Variants in DEPDC5 observed in about 807,000 individuals in gnomAD.
The protein encoded by DEPDC5 is GATOR1 complex protein DEPDC5.
DEPDC5 carries 73 observed loss-of-function variants against 217.3 expected under a neutral mutation model. The observed-to-expected ratio is 0.34, with a 90% CI of 0.28 to 0.41. The LOEUF is 0.41. Ranked by LOEUF, DEPDC5 falls within the 10% of genes least tolerant of loss-of-function variation. The pLI is 1.00. For synonymous variants in DEPDC5, 733 were observed against 756.7 expected, an observed-to-expected ratio of 0.97 and a Z score of 0.51; for missense variants, 1,675 against 2,070.1, an observed-to-expected ratio of 0.81 and a Z score of 3.70.
chr22:31,771,575 C>T (rs2148218732), intron 7 of DEPDC5, among the ~76,000 whole-genome samples: 1 of 152,040 alleles, frequency 6.6e-6, no homozygotes, highest in East Asian at 1.9e-4. Context: ...CAAAAATCAG[C>T]TGGGTGTGGT....
chr22:31,813,583 G>A (rs2088696460), intron 20 of DEPDC5, among the ~76,000 whole-genome samples: 1 of 152,070 alleles, frequency 6.6e-6, no homozygotes, highest in South Asian at 2.1e-4. Flanking sequence ...TTTTCGTTCT[G>A]AGCTTTTGCT....
chr22:31,856,155 GCACA>G (rs136863), intron 31 of DEPDC5, among the ~76,000 whole-genome samples: 120 of 140,668 alleles, frequency 8.5e-4, no homozygotes, highest in East Asian at 3.8e-3. Flanking sequence ...GGGCCAACGC[GCACA>G]CACACACACA....
intron 37 of DEPDC5, 26 bp downstream of exon 37, chr22:31,876,291 C>A: frequency 6.3e-7 from 1 of 1,588,958 alleles, no homozygotes; most frequent in Non-Finnish European, 8.6e-7. Context: ...AATGCGGTTG[C>A]CCACAGGGGC....
At chr22:31,876,296 A>G in intron 37 of DEPDC5, 31 bp downstream of exon 37, 2 of 1,574,360 alleles carry the variant, frequency 1.3e-6, no homozygotes, top group East Asian at 2.2e-5. Context: ...GGTTGCCCAC[A>G]GGGGCAAGTG....
chr22:31,878,867 C>T lies in DEPDC5; in HGVS notation c.3806-658C>T, dbSNP rs139774130. The stretch of plus-strand genomic sequence containing the variant: ...CAGCCTGGCCAACATGGTGAAATCC[C>T]GTCTACTAAAAATACAAAAATTAGC... On this transcript the variant is annotated intron_variant, in intron 37 of 42. Transcript: ENST00000651528. 7.1e-3 allele frequency among the ~76,000 whole-genome samples: 1,072 copies of T among 151,382 alleles called. 15 individuals carry two copies. Among genetic ancestry groups the T allele is most frequent in the African/African-American group, 0.024 (971 of 41,218 alleles).
At chr22:31,879,832 T>A in intron 38 of DEPDC5, 80 bp downstream of exon 38, 1 of 1,349,636 alleles carries the variant, frequency 7.4e-7, no homozygotes, top group Non-Finnish European at 1.0e-6. Flanking sequence ...AAGGGAACGA[T>A]GCCACATGAA....
At chr22:31,785,403 TA>T (rs1339351414) in intron 10 of DEPDC5, among the ~76,000 whole-genome samples, 3 of 152,172 alleles carry the variant, frequency 2.0e-5, no homozygotes, top group African/African-American at 7.2e-5. Context: ...TAGAATACTT[TA>T]CCCTAGGAGC....
At chr22:31,758,424 A>G (rs2082112718) in intron 2 of DEPDC5, 122 bp from the exon 3 acceptor site, 1 of 802,558 alleles carries the variant, frequency 1.2e-6, no homozygotes, top group Non-Finnish European at 2.1e-6. Context: ...GTTTCAAAAT[A>G]GAACCTCATC....
chr22:31,894,259 A>C (rs559384032), intron 39 of DEPDC5: 9 of 147,962 alleles, frequency 6.1e-5, no homozygotes, highest in Non-Finnish European at 1.2e-4. Flanking sequence ...AAATCACGTT[A>C]CTTTTTTTTT....
intron 19 of DEPDC5, among the ~76,000 whole-genome samples, chr22:31,810,081 T>C (rs2088086449): frequency 6.6e-6 from 1 of 152,224 alleles, no homozygotes; most frequent in African/African-American, 2.4e-5. Flanking sequence ...CTTTGTGTCA[T>C]GTATGCAGGA....
chr22:31,754,814 A>G, intron 1 of DEPDC5, 48 bp from the exon 2 acceptor site: 3 of 1,315,112 alleles, frequency 2.3e-6, no homozygotes, highest in Non-Finnish European at 3.3e-6. Context: ...GAGTGGTTGC[A>G]AGGAAAAATC....
At chr22:31,869,187 G>A (rs956604540) in intron 33 of DEPDC5, among the ~76,000 whole-genome samples, 7 of 151,616 alleles carry the variant, frequency 4.6e-5, no homozygotes, top group African/African-American at 1.2e-4. Context: ...ACAGTGAGAT[G>A]TGATGGCACC....
chr22:31,864,282 G>A (rs913895132), intron 33 of DEPDC5, among the ~76,000 whole-genome samples: 3 of 151,072 alleles, frequency 2.0e-5, no homozygotes, highest in South Asian at 2.1e-4. Context: ...CTAATTTTTT[G>A]TATTTTTAGT....
chr22:31,886,772 A>G (rs1602748182), intron 38 of DEPDC5, among the ~76,000 whole-genome samples: 1 of 135,268 alleles, frequency 7.4e-6, no homozygotes, highest in Admixed American at 7.0e-5. Context: ...AAAAAAAAAA[A>G]AAAAGAGAGA....
chr22:31,843,948 G>A (rs1328777221), intron 29 of DEPDC5, 136 bp downstream of exon 29: 10 of 1,020,762 alleles, frequency 9.8e-6, no homozygotes, highest in Non-Finnish European at 1.3e-5. Context: ...AGGGTTGACT[G>A]GGCGCGGTGG....
intron 5 of DEPDC5, among the ~76,000 whole-genome samples, 174 bp from the exon 6 acceptor site, chr22:31,766,411 G>T (rs2082823290): frequency 6.6e-6 from 1 of 152,210 alleles, no homozygotes; most frequent in African/African-American, 2.4e-5. Context: ...CAACTATACT[G>T]AAAAGTGTGC....
chr22:31,755,007 T>G (rs1759133747), intron 2 of DEPDC5, 28 bp downstream of exon 2: 1 of 1,613,748 alleles, frequency 6.2e-7, no homozygotes, highest in South Asian at 1.1e-5. Context: ...TTTAGAGGTT[T>G]TGTAAGTTGG....
chr22:31,871,586 T>C (rs544103859), intron 34 of DEPDC5, among the ~76,000 whole-genome samples: 1 of 152,318 alleles, frequency 6.6e-6, no homozygotes, highest in Admixed American at 6.5e-5. Context: ...CTTATACCCA[T>C]CAAGCCTACC....
chr22:31,779,424 T>G (rs2084199305), intron 8 of DEPDC5, among the ~76,000 whole-genome samples: 1 of 152,198 alleles, frequency 6.6e-6, no homozygotes, highest in Non-Finnish European at 1.5e-5. Flanking sequence ...GTGAAGAGTA[T>G]TCCAGGCAAA....
Sources: allele counts gnomAD v4.1 joint callset (sites outside exome capture counted in the v4.1 genomes callset), GRCh38; gene constraint gnomAD v4.1.1; transcripts MANE v1.5; gene names NCBI Gene and HGNC (gene_info 2026-07-23, HGNC 2026-07-21).